Variants in NEB observed in about 807,000 individuals in gnomAD.
NEB encodes the protein nemaline myopathy type 2.
Under a neutral mutation model 952.2 loss-of-function variants are expected in NEB, and 512 were observed. The observed-to-expected ratio is 0.54, with a 90% CI of 0.50 to 0.58. The LOEUF is 0.58. NEB is among the 20% of genes least tolerant of loss of function. The pLI, the probability that NEB is intolerant of heterozygous loss-of-function variation, is 0.00. For synonymous variants in NEB, 2,900 were observed against 3,149.8 expected (o/e 0.92, Z 2.66); for missense variants, 8,428 against 9,231.1 (o/e 0.91, Z 3.56).
At chr2:151,529,883 A>G (rs2089593321) in intron 145 of NEB, among the ~76,000 whole-genome samples, 1 of 152,040 alleles carries the variant, frequency 6.6e-6, no homozygotes, top group Non-Finnish European at 1.5e-5. Context: ...TTGGAACCCT[A>G]TTCATTCAGG....
chr2:151,574,394 A>C (rs1336023524), intron 107 of NEB, among the ~76,000 whole-genome samples: 1 of 152,234 alleles, frequency 6.6e-6, no homozygotes. Flanking sequence ...TCCTGATATG[A>C]ATGAGAAGTT....
intron 77 of NEB, 70 bp from the exon 78 acceptor site, chr2:151,612,459 C>T: frequency 7.5e-7 from 1 of 1,332,724 alleles, no homozygotes; most frequent in South Asian, 1.2e-5. Flanking sequence ...CCTGATTTAA[C>T]ATACACAGAT....
intron 65 of NEB, 48 bp from the exon 66 acceptor site, chr2:151,631,394 T>G: frequency 1.3e-6 from 2 of 1,554,516 alleles, no homozygotes; most frequent in Non-Finnish European, 1.8e-6. Context: ...ACCACAATAT[T>G]TAGGGTAAAT....
intron 124 of NEB, among the ~76,000 whole-genome samples, chr2:151,556,899 C>T (rs2095678934): frequency 6.6e-6 from 1 of 151,922 alleles, no homozygotes; most frequent in South Asian, 2.1e-4. Flanking sequence ...CACTAGATGC[C>T]CACAAGAGAA....
At chr2:151,722,556 T>C (rs2099777615) in intron 9 of NEB, among the ~76,000 whole-genome samples, 3 of 152,196 alleles carry the variant, frequency 2.0e-5, no homozygotes, top group Admixed American at 1.3e-4. Context: ...TTTGTTTGTT[T>C]GTTTTTAAGA....
chr2:151,550,266 C>CAAAAAAAAAA (rs57057802), intron 129 of NEB, among the ~76,000 whole-genome samples: 1 of 73,366 alleles, frequency 1.4e-5, no homozygotes, highest in African/African-American at 5.3e-5. Flanking sequence ...ACCCTGTCTC[C>CAAAAAAAAAA]AAAAAAAAAA....
chr2:151,540,197 A>AT (rs908643523), intron 138 of NEB, 147 bp downstream of exon 138: 466 of 432,794 alleles, frequency 1.1e-3, no homozygotes, highest in South Asian at 1.9e-3. Context: ...TTGTTTGGGC[A>AT]TTTTTTTTTC....
At chr2:151,528,962 C>T (rs573585650) in intron 146 of NEB, among the ~76,000 whole-genome samples, 15 of 152,298 alleles carry the variant, frequency 9.8e-5, no homozygotes, top group South Asian at 4.1e-4. Context: ...AGCCACCCAC[C>T]GCAAAAGCTG....
At chr2:151,649,932 T>C (rs2099011931) in intron 54 of NEB, among the ~76,000 whole-genome samples, 1 of 152,326 alleles carries the variant, frequency 6.6e-6, no homozygotes, top group African/African-American at 2.4e-5. Context: ...TGTTCGATCA[T>C]TTTCCCATTA....
At chr2:151,534,325 C>T (rs2092608949) in intron 142 of NEB, 1 of 1,610,010 alleles carries the variant, frequency 6.2e-7, no homozygotes. Flanking sequence ...TTTTTCTGCT[C>T]AAACATCATA....
chr2:151,490,948 C>T (rs1336025782), intron 179 of NEB, among the ~76,000 whole-genome samples: 2 of 152,164 alleles, frequency 1.3e-5, no homozygotes, highest in Admixed American at 6.5e-5. Context: ...TAAAATTGCA[C>T]ATGTCAGAAT....
chr2:151,678,318 C>T, intron 32 of NEB, 131 bp from the exon 33 acceptor site: 1 of 600,138 alleles, frequency 1.7e-6, no homozygotes, highest in Non-Finnish European at 2.9e-6. Flanking sequence ...ATTAACAATT[C>T]ACTTGCATAT....
rs1485360687 is a variant in NEB at position 151,650,689 on chromosome 2, T to C, written c.7112A>G (p.Lys2371Arg). ...CACGTCACTAACCAACTCCTGACAC[T>C]TCTTGGCCAGTACCACTCCCAACAT... is the stretch of plus-strand genomic sequence containing the variant. ...VDMLGVVLAK[K>R]CQELVSDVDY... Residue 2371 changes from lysine to arginine, a missense_variant, in exon 53 of 182, where the codon AAG becomes AGG. By Grantham distance (26) the Lys-to-Arg change is conservative. This residue lies in a region of NEB where 1,772 missense variants were observed against 1,960.3 expected (regional missense o/e 0.90). Transcript: ENST00000397345. 2 of 1,613,832 alleles carry C rather than the reference T, an allele frequency of 1.2e-6. No individual in the cohort carries two copies. Among genetic ancestry groups the C allele is most frequent in the East Asian group, 4.5e-5 (2 of 44,888 alleles).
At chr2:151,543,577 A>C (rs994393762) in intron 135 of NEB, among the ~76,000 whole-genome samples, 4 of 152,230 alleles carry the variant, frequency 2.6e-5, no homozygotes, top group African/African-American at 9.6e-5. Context: ...ACATAAGATC[A>C]TATAGCTAAT....
chr2:151,572,572 G>A (rs1267888378), intron 107 of NEB, among the ~76,000 whole-genome samples: 2 of 140,048 alleles, frequency 1.4e-5, no homozygotes, highest in African/African-American at 5.3e-5. Flanking sequence ...TTTTGACAGA[G>A]TCTCGCTCTG....
chr2:151,540,198 T>C (rs553413475), intron 138 of NEB, 146 bp downstream of exon 138: 23 of 425,360 alleles, frequency 5.4e-5, no homozygotes, highest in Admixed American at 4.8e-4. Flanking sequence ...TGTTTGGGCA[T>C]TTTTTTTTCT....
chr2:151,497,542 G>T, intron 171 of NEB, 84 bp downstream of exon 171: 1 of 1,503,392 alleles, frequency 6.7e-7, no homozygotes, highest in Non-Finnish European at 8.9e-7. Flanking sequence ...TCTTTAAAAA[G>T]TAGGATTAAT....
At chr2:151,504,336 CTCTTCACCCAA>C (rs1245879848) in intron 165 of NEB, among the ~76,000 whole-genome samples, 2 of 152,154 alleles carry the variant, frequency 1.3e-5, no homozygotes, top group Non-Finnish European at 2.9e-5. Context: ...CATTTCTTTA[CTCTTCACCCAA>C]CAAAGCAGCA....
intron 61 of NEB, 43 bp downstream of exon 61, chr2:151,640,312 T>C (rs1324395006): frequency 8.8e-6 from 14 of 1,594,568 alleles, no homozygotes; most frequent in Non-Finnish European, 1.2e-5. Context: ...GGGTGTTAAA[T>C]AATTTCCCAC....
Sources: allele counts gnomAD v4.1 joint callset (sites outside exome capture counted in the v4.1 genomes callset), GRCh38; gene constraint gnomAD v4.1.1; regional missense constraint gnomAD v4.1.1; transcripts MANE v1.5; gene names NCBI Gene and HGNC (gene_info 2026-07-23, HGNC 2026-07-21).